Variants in COLEC10 observed in about 807,000 individuals in gnomAD.
The protein encoded by COLEC10 is collectin-10.
A neutral mutation model predicts 28.4 loss-of-function variants in COLEC10; 22 were observed. The ratio of observed to expected loss-of-function variants is 0.78; its 90% CI spans 0.55 to 1.11. COLEC10 has a LOEUF of 1.11. COLEC10 is among the 50% of genes least tolerant of loss of function. The pLI is 0.00. For missense variants in COLEC10, 361 were observed against 344.1 expected (o/e 1.05, Z -0.39); for synonymous variants, 125 against 116.1 (o/e 1.08, Z -0.49).
At chr8:118,974,360 G>C in the COLEC10 span, among the ~76,000 whole-genome samples, 1 of 151,872 alleles carries the variant, frequency 6.6e-6, no homozygotes, top group Non-Finnish European at 1.5e-5. Context: ...GTAGAAAAAG[G>C]GGAGTGCTGA....
At chr8:119,003,657 AT>A (rs925210224) in intron 1 of COLEC10, among the ~76,000 whole-genome samples, 6 of 152,058 alleles carry the variant, frequency 3.9e-5, no homozygotes, top group Non-Finnish European at 8.8e-5. Flanking sequence ...GAGTGGAATT[AT>A]GAAAGGATTA....
At chr8:119,055,269 A>G (rs1295333837) in intron 2 of COLEC10, among the ~76,000 whole-genome samples, 1 of 152,078 alleles carries the variant, frequency 6.6e-6, no homozygotes, top group African/African-American at 2.4e-5. Flanking sequence ...GGCTTCTCAG[A>G]AGCAAGGGGT....
At chr8:119,031,400 G>T (rs978514951) in intron 2 of COLEC10, among the ~76,000 whole-genome samples, 1 of 152,204 alleles carries the variant, frequency 6.6e-6, no homozygotes, top group Non-Finnish European at 1.5e-5. Context: ...GAAGTATGTA[G>T]AATTCAAGGT....
At chr8:119,013,848 C>A (rs1002525244) in intron 2 of COLEC10, among the ~76,000 whole-genome samples, 3 of 150,668 alleles carry the variant, frequency 2.0e-5, no homozygotes, top group Admixed American at 1.3e-4. Flanking sequence ...TACTTTTAAT[C>A]TTTATGTATC....
Position 119,047,439 on chromosome 8 carries a change from A to G in COLEC10, n.235+37886A>G, listed in dbSNP as rs1814605582. Reference sequence around the variant, plus strand: ...AGTATGTTACAACATATGCTGTGTCAATCTAGCCATTAGCCTTCCAGACCA... The same window carrying G: ...AGTATGTTACAACATATGCTGTGTCGATCTAGCCATTAGCCTTCCAGACCA... On this transcript the variant is annotated intron_variant and non_coding_transcript_variant, in intron 2 of 6. Transcript: ENST00000521788. 1.3e-5 allele frequency among the ~76,000 whole-genome samples: 2 copies of G among 152,202 alleles called. 1 individual carries two copies. The highest frequency in any genetic ancestry group is 4.1e-4 in the South Asian group (2 of 4,838).
At chr8:118,966,398 G>A in the COLEC10 span, among the ~76,000 whole-genome samples, 1 of 151,982 alleles carries the variant, frequency 6.6e-6, no homozygotes, top group African/African-American at 2.4e-5. Context: ...TAACAACAAC[G>A]AAAAGAATAT....
At chr8:119,032,637 C>G (rs1361652602) in intron 2 of COLEC10, among the ~76,000 whole-genome samples, 2 of 152,208 alleles carry the variant, frequency 1.3e-5, no homozygotes. Context: ...CGCGGTGGCT[C>G]ATGCCTGTAA....
At chr8:119,080,917 C>G (rs1442022886) in intron 1 of COLEC10, among the ~76,000 whole-genome samples, 5 of 152,076 alleles carry the variant, frequency 3.3e-5, no homozygotes, top group Non-Finnish European at 7.4e-5. Flanking sequence ...AGAGCTTTTG[C>G]TAACTCCTTA....
At chr8:119,093,354 G>A (rs1206393349) in intron 3 of COLEC10, among the ~76,000 whole-genome samples, 1 of 152,208 alleles carries the variant, frequency 6.6e-6, no homozygotes, top group Non-Finnish European at 1.5e-5. Context: ...CAGGGATGAA[G>A]GGCAGTGCCA....
chr8:119,077,733 A>G (rs1815280147), intron 1 of COLEC10, among the ~76,000 whole-genome samples: 1 of 152,200 alleles, frequency 6.6e-6, no homozygotes, highest in South Asian at 2.1e-4. Flanking sequence ...GATAGGATTG[A>G]CATTTTAATA....
At chr8:118,953,568 G>A in the COLEC10 span, among the ~76,000 whole-genome samples, 3 of 152,086 alleles carry the variant, frequency 2.0e-5, no homozygotes, top group East Asian at 1.9e-4. Flanking sequence ...AAAGGTTTAC[G>A]TCTCCCTGAG....
chr8:119,007,902 C>T (rs1305675132), intron 1 of COLEC10, among the ~76,000 whole-genome samples: 1 of 150,850 alleles, frequency 6.6e-6, no homozygotes, highest in African/African-American at 2.5e-5. Context: ...TAAATATCTT[C>T]ATAGGTTTTC....
intron 2 of COLEC10, among the ~76,000 whole-genome samples, chr8:119,038,736 A>G (rs1339743961): frequency 1.3e-5 from 2 of 152,148 alleles, no homozygotes; most frequent in Non-Finnish European, 2.9e-5. Flanking sequence ...TTTTGGAACA[A>G]TTGCCAGTAT....
chr8:119,031,239 T>G (rs1814282055), intron 2 of COLEC10, among the ~76,000 whole-genome samples: 1 of 152,180 alleles, frequency 6.6e-6, no homozygotes. Flanking sequence ...GAGGTTTGCA[T>G]TTGTTAAATC....
chr8:118,964,647 T>C, the COLEC10 span, among the ~76,000 whole-genome samples: 5 of 152,206 alleles, frequency 3.3e-5, no homozygotes, highest in African/African-American at 1.2e-4. Context: ...GTGTTTATGA[T>C]CTTGAGAAGG....
At chr8:119,043,595 T>A (rs932624398) in intron 2 of COLEC10, among the ~76,000 whole-genome samples, 56 of 152,330 alleles carry the variant, frequency 3.7e-4, no homozygotes, top group Non-Finnish European at 1.0e-4. Context: ...ACATAAACAA[T>A]TTTGCTTTCT....
the COLEC10 span, among the ~76,000 whole-genome samples, chr8:118,988,183 C>A: frequency 1.3e-5 from 2 of 152,096 alleles, no homozygotes; most frequent in East Asian, 3.9e-4. Flanking sequence ...CTATTAGGGA[C>A]CCCAATCTTA....
At chr8:119,002,977 A>C (rs1473905783) in intron 1 of COLEC10, among the ~76,000 whole-genome samples, 2 of 152,126 alleles carry the variant, frequency 1.3e-5, no homozygotes, top group East Asian at 3.9e-4. Flanking sequence ...ATCATATTTA[A>C]GTTTTTTCTC....
At chr8:118,962,834 T>C in the COLEC10 span, among the ~76,000 whole-genome samples, 1 of 152,226 alleles carries the variant, frequency 6.6e-6, no homozygotes, top group African/African-American at 2.4e-5. Flanking sequence ...TTGACTATTA[T>C]AGATATCTCA....
Sources: allele counts gnomAD v4.1 joint callset (sites outside exome capture counted in the v4.1 genomes callset), GRCh38; gene constraint gnomAD v4.1.1; transcripts MANE v1.5; gene names NCBI Gene and HGNC (gene_info 2026-07-23, HGNC 2026-07-21).